The following CDK6 variants were observed in gnomAD, a reference collection of about 807,000 sequenced individuals.
CDK6 encodes cyclin dependent kinase 6.
A neutral mutation model predicts 37.1 loss-of-function variants in CDK6; 6 were observed. The ratio of observed to expected loss-of-function variants is 0.16; its 90% CI spans 0.09 to 0.32. CDK6 has a LOEUF of 0.32. Among genes scored for constraint, CDK6 ranks in the 10% least tolerant of loss-of-function variants. The pLI, the probability that CDK6 is intolerant of heterozygous loss-of-function variation, is 1.00. For synonymous variants in CDK6, 160 were observed against 161.3 expected (o/e 0.99, Z 0.06); for missense variants, 224 against 418.9 (o/e 0.53, Z 4.06).
intron 2 of CDK6, among the ~76,000 whole-genome samples, chr7:92,794,821 C>G (rs569329779): frequency 6.6e-6 from 1 of 152,070 alleles, no homozygotes; most frequent in African/African-American, 2.4e-5. Flanking sequence ...GAAGCCTGAA[C>G]CAAGTCTGAT....
chr7:92,626,376 T>A (rs561927239), intron 5 of CDK6, among the ~76,000 whole-genome samples: 1 of 152,008 alleles, frequency 6.6e-6, no homozygotes, highest in Non-Finnish European at 1.5e-5. Flanking sequence ...CGAATAGAAG[T>A]TTACCTCATT....
intron 3 of CDK6, among the ~76,000 whole-genome samples, chr7:92,735,802 C>T (rs1242555463): frequency 6.6e-6 from 1 of 152,130 alleles, no homozygotes. Flanking sequence ...AACATTCTCA[C>T]CGATTAAACT....
chr7:92,722,811 C>A (rs1252716178), intron 4 of CDK6, among the ~76,000 whole-genome samples: 2 of 152,170 alleles, frequency 1.3e-5, no homozygotes, highest in African/African-American at 4.8e-5. Flanking sequence ...TGTGTTAGGG[C>A]TGAATAAGAT....
intron 3 of CDK6, among the ~76,000 whole-genome samples, chr7:92,747,583 G>C (rs942857746): frequency 2.6e-5 from 4 of 152,150 alleles, no homozygotes; most frequent in Non-Finnish European, 5.9e-5. Flanking sequence ...GCTTCTGCTG[G>C]CTTGTGTCAC....
At chr7:92,736,756 T>C (rs1798797235) in intron 3 of CDK6, among the ~76,000 whole-genome samples, 1 of 152,188 alleles carries the variant, frequency 6.6e-6, no homozygotes, top group Admixed American at 6.5e-5. Context: ...TGTAAAACCA[T>C]GGCATGTTAT....
At chr7:92,746,856 T>C (rs918366956) in intron 3 of CDK6, among the ~76,000 whole-genome samples, 3 of 152,238 alleles carry the variant, frequency 2.0e-5, no homozygotes, top group African/African-American at 7.2e-5. Context: ...CATTTTTTCA[T>C]ACTTCTTAAC....
At chr7:92,651,226 G>GC (rs1271785686) in intron 5 of CDK6, among the ~76,000 whole-genome samples, 2 of 152,108 alleles carry the variant, frequency 1.3e-5, no homozygotes, top group East Asian at 3.9e-4. Context: ...ATTAGGTTGG[G>GC]CCCCCTCAGA....
intron 2 of CDK6, among the ~76,000 whole-genome samples, chr7:92,821,805 AG>A (rs1199199381): frequency 6.6e-6 from 1 of 151,988 alleles, no homozygotes; most frequent in African/African-American, 2.4e-5. Context: ...GATCACAATC[AG>A]CTGTTCTAAG....
At chr7:92,648,024 G>C (rs533402386) in intron 5 of CDK6, among the ~76,000 whole-genome samples, 6 of 152,170 alleles carry the variant, frequency 3.9e-5, no homozygotes, top group Non-Finnish European at 8.8e-5. Flanking sequence ...CAAAGGTAAG[G>C]CCGACTTAAC....
At chr7:92,702,161 T>C (rs937950529) in intron 4 of CDK6, among the ~76,000 whole-genome samples, 2 of 149,122 alleles carry the variant, frequency 1.3e-5, no homozygotes, top group African/African-American at 5.0e-5. Flanking sequence ...TCTTTCCTTA[T>C]AGAAGAAAAA....
chr7:92,667,543 ATTTAAAAAGT>A (rs1301888909), intron 5 of CDK6, among the ~76,000 whole-genome samples: 1 of 147,008 alleles, frequency 6.8e-6, no homozygotes, highest in Non-Finnish European at 1.5e-5. Flanking sequence ...AAGTTAAAAA[ATTTAAAAAGT>A]TTTTTTTTTT....
At position 92,835,875 on chromosome 7, in the gene CDK6, T is replaced by G. The variant is rs192340980; in HGVS notation, c.-368+603A>C. Among the ~76,000 whole-genome samples the G allele has an allele frequency of 1.0e-3, 154 of 152,374 alleles. No homozygotes were observed. The highest frequency in any genetic ancestry group is 1.9e-3 in the Non-Finnish European group (130 of 68,040). ...GTAAACTTGGAAACTACAGCAAACG[T>G]GCGTCTTCGCGGGGCTCCAAGCCTG... On this transcript the variant is annotated intron_variant, in intron 1 of 7. Transcript: ENST00000424848. The surrounding 1 kb of genome is among the most constrained non-coding windows in gnomAD (Gnocchi z 4.2).
intron 2 of CDK6, among the ~76,000 whole-genome samples, chr7:92,807,778 T>C (rs1018205016): frequency 6.6e-5 from 10 of 152,140 alleles, no homozygotes; most frequent in Non-Finnish European, 1.5e-4. Flanking sequence ...TTATCTATCA[T>C]GATGAACAGT....
At chr7:92,794,281 C>T (rs1409615232) in intron 2 of CDK6, among the ~76,000 whole-genome samples, 1 of 152,114 alleles carries the variant, frequency 6.6e-6, no homozygotes, top group African/African-American at 2.4e-5. Flanking sequence ...ACCATCATCT[C>T]TTTCACAGAT....
intron 4 of CDK6, among the ~76,000 whole-genome samples, chr7:92,713,080 C>T (rs772575856): frequency 3.3e-5 from 5 of 151,982 alleles, no homozygotes; most frequent in African/African-American, 1.2e-4. Context: ...AGGCTGCTCT[C>T]GAACTCCTGA....
chr7:92,703,759 G>C (rs933670567), intron 4 of CDK6, among the ~76,000 whole-genome samples: 2 of 152,026 alleles, frequency 1.3e-5, no homozygotes, highest in Admixed American at 1.3e-4. Flanking sequence ...ATTTTTTCTT[G>C]CTTGTGTCTT....
intron 4 of CDK6, among the ~76,000 whole-genome samples, chr7:92,672,190 T>TACACAAAC (rs1273649011): frequency 5.1e-4 from 32 of 62,778 alleles, no homozygotes; most frequent in African/African-American, 2.9e-3. Context: ...CACAGACACA[T>TACACAAAC]ACACACACAC....
chr7:92,612,442 T>C lies in CDK6; in HGVS notation c.*2698A>G, dbSNP rs1454286163. 2 of 233,036 alleles carry C rather than the reference T, an allele frequency of 8.6e-6. No homozygotes were observed. The highest frequency in any genetic ancestry group is 1.7e-5 in the Non-Finnish European group (2 of 117,968). 14.4% of individuals were successfully genotyped at this position (233,036 alleles called of 1,614,324 possible). A position where few individuals can be genotyped will look rare whatever the true frequency, so the allele number is the denominator to read the frequency against. ...AATGCCCTAACGGCAAGACTGCTTG[T>C]GTTGGATCTGGATTTCAGAAATGGC... On this transcript the variant is annotated 3_prime_UTR_variant, in exon 8 of 8. Transcript: ENST00000424848.
chr7:92,640,849 G>T (rs1796288388), intron 5 of CDK6, among the ~76,000 whole-genome samples: 2 of 152,066 alleles, frequency 1.3e-5, no homozygotes, highest in Admixed American at 6.5e-5. Flanking sequence ...ATAATCATGA[G>T]AATGAAAAAA....
Sources: allele counts gnomAD v4.1 joint callset (sites outside exome capture counted in the v4.1 genomes callset), GRCh38; gene constraint gnomAD v4.1.1; non-coding constraint Gnocchi (gnomAD v3.1); transcripts MANE v1.5; gene names NCBI Gene and HGNC (gene_info 2026-07-23, HGNC 2026-07-21).